DLG2: variants seen among roughly 807,000 people sequenced by gnomAD.
DLG2 encodes discs large MAGUK scaffold protein 2, also known as disks large homolog 2.
In DLG2, 45 loss-of-function variants were observed where a neutral mutation model predicts 132.5. The observed-to-expected ratio is 0.34, with a 90% CI of 0.27 to 0.44. The LOEUF (loss-of-function observed/expected upper bound fraction) is 0.44, where lower values mean the gene tolerates loss of function less well. Among genes scored for constraint, DLG2 ranks in the 20% least tolerant of loss-of-function variants. The pLI, the probability that DLG2 is intolerant of heterozygous loss-of-function variation, is 1.00. For synonymous variants in DLG2, 424 were observed against 419.6 expected (o/e 1.01, Z -0.13); for missense variants, 1,045 against 1,196.9 (o/e 0.87, Z 1.87).
intron 6 of DLG2, among the ~76,000 whole-genome samples, chr11:84,599,364 A>G (rs1054339793): frequency 3.3e-5 from 5 of 152,154 alleles, no homozygotes; most frequent in Non-Finnish European, 7.3e-5. Context: ...TCCCTCTTCT[A>G]CTTCTGCTTT....
At chr11:84,001,147 T>G (rs2094324688) in intron 11 of DLG2, among the ~76,000 whole-genome samples, 1 of 151,990 alleles carries the variant, frequency 6.6e-6, no homozygotes, top group South Asian at 2.1e-4. Context: ...AGATATAGAC[T>G]GGCTGAAAGG....
chr11:84,044,637 T>A (rs1160313123), intron 11 of DLG2, among the ~76,000 whole-genome samples: 2 of 151,758 alleles, frequency 1.3e-5, no homozygotes, highest in Non-Finnish European at 2.9e-5. Context: ...TACACCAAGT[T>A]GCATCTAATT....
chr11:85,059,786 G>T (rs632351), intron 6 of DLG2, among the ~76,000 whole-genome samples: 106,095 of 150,912 alleles, frequency 0.7, 38,436 homozygotes, highest in East Asian at 0.95. Context: ...AGTCCACTAG[G>T]GATATCGATT....
chr11:85,225,053 G>C (rs561203840), intron 4 of DLG2, among the ~76,000 whole-genome samples: 2 of 128,754 alleles, frequency 1.6e-5, no homozygotes, highest in South Asian at 4.4e-4. Context: ...TGAAATATAA[G>C]TCTTTGTTTT....
Position 83,532,389 on chromosome 11 carries a change from A to G in DLG2, c.2193+319T>C, listed in dbSNP as rs1478306685. On this transcript the variant is annotated intron_variant, in intron 21 of 27. Coordinates refer to ENST00000376104, the MANE Select transcript of DLG2 (RefSeq NM_001142699.3). ...TTTATAAAATCCATCATTTTAGAAC[A>G]TTAATTTAAAAGGAAAAAACTTAAA... Among the ~76,000 whole-genome samples, 4 of 152,262 alleles carry G rather than the reference A, an allele frequency of 2.6e-5. No individual in the cohort carries two copies. The East Asian group carries it at 5.8e-4, about 22-fold the overall frequency.
intron 4 of DLG2, among the ~76,000 whole-genome samples, chr11:85,167,250 T>C (rs1169861112): frequency 6.6e-6 from 1 of 152,176 alleles, no homozygotes; most frequent in Non-Finnish European, 1.5e-5. Flanking sequence ...CAGATCCCAG[T>C]TGTACTCTGG....
intron 14 of DLG2, among the ~76,000 whole-genome samples, chr11:83,944,645 T>A: frequency 6.6e-6 from 1 of 152,214 alleles, no homozygotes; most frequent in East Asian, 1.9e-4. Context: ...CTGTCTATTA[T>A]ATCTAACCAA....
chr11:85,396,589 T>A (rs2087396674), intron 3 of DLG2, among the ~76,000 whole-genome samples: 1 of 152,140 alleles, frequency 6.6e-6, no homozygotes, highest in Non-Finnish European at 1.5e-5. Flanking sequence ...TTAAATGACC[T>A]GATGGAGGTG....
At chr11:85,492,707 G>C (rs530049882) in intron 3 of DLG2, among the ~76,000 whole-genome samples, 1 of 145,630 alleles carries the variant, frequency 6.9e-6, no homozygotes, top group East Asian at 1.9e-4. Flanking sequence ...ATTTGGGATG[G>C]TCTGACTTAA....
chr11:84,537,805 T>C (rs1021111690), intron 6 of DLG2, among the ~76,000 whole-genome samples: 1 of 152,238 alleles, frequency 6.6e-6, no homozygotes, highest in African/African-American at 2.4e-5. Flanking sequence ...GTTTGTTGAA[T>C]ATAGCCATGA....
At chr11:85,009,247 G>A (rs1264136753) in intron 6 of DLG2, among the ~76,000 whole-genome samples, 1 of 151,974 alleles carries the variant, frequency 6.6e-6, no homozygotes, top group Admixed American at 6.6e-5. Flanking sequence ...AAGGAATAAA[G>A]CCTCTATTTG....
intron 19 of DLG2, among the ~76,000 whole-genome samples, chr11:83,544,225 C>T (rs559271823): frequency 3.9e-5 from 6 of 152,266 alleles, no homozygotes; most frequent in African/African-American, 1.4e-4. Flanking sequence ...CCTTATCTGA[C>T]AGTTTCATAT....
chr11:84,102,038 C>T (rs1014425999), intron 9 of DLG2, among the ~76,000 whole-genome samples: 1 of 152,122 alleles, frequency 6.6e-6, no homozygotes, highest in Non-Finnish European at 1.5e-5. Context: ...TTTATTTATG[C>T]TGTTTTCTCT....
intron 2 of DLG2, among the ~76,000 whole-genome samples, chr11:85,619,250 T>C (rs2081539583): frequency 6.6e-6 from 1 of 152,124 alleles, no homozygotes; most frequent in South Asian, 2.1e-4. Context: ...CAATCACAGC[T>C]CACTGCAGTC....
intron 7 of DLG2, among the ~76,000 whole-genome samples, chr11:84,423,534 ATCATAT>A (rs1475860360): frequency 6.6e-6 from 1 of 152,136 alleles, no homozygotes; most frequent in Non-Finnish European, 1.5e-5. Flanking sequence ...CCCTAAACAC[ATCATAT>A]TCATCACACT....
At position 83,870,184 on chromosome 11, in the gene DLG2, C is replaced by T. The variant is rs555305539; in HGVS notation, c.1565+4236G>A. Among the ~76,000 whole-genome samples, 6 of 152,266 alleles carry T rather than the reference C, an allele frequency of 3.9e-5. No homozygotes were observed. In the East Asian group the frequency reaches 1.2e-3, roughly 29 times the overall value. On this transcript the variant is annotated intron_variant, in intron 16 of 27. Coordinates refer to ENST00000376104, the MANE Select transcript of DLG2 (RefSeq NM_001142699.3). ...GTACAAGTGCAATTTTGTCACATGG[C>T]CATATTCCACAGTGGTGAAGCCTGT...
chr11:84,779,025 G>A (rs1489485211), intron 6 of DLG2, among the ~76,000 whole-genome samples: 1 of 152,160 alleles, frequency 6.6e-6, no homozygotes, highest in Non-Finnish European at 1.5e-5. Flanking sequence ...AGCCACTGAT[G>A]AAAGCCTGCA....
chr11:83,936,470 G>T (rs2081460023), intron 14 of DLG2, among the ~76,000 whole-genome samples: 1 of 152,048 alleles, frequency 6.6e-6, no homozygotes, highest in African/African-American at 2.4e-5. Flanking sequence ...CAGATTGTTG[G>T]GTCATAAGTA....
rs749188545 is a variant in DLG2, at chr11:84,099,054, A to G, written c.625-7T>C. The G allele has an allele frequency of 6.2e-7, 1 of 1,612,244 alleles. No homozygotes were observed. The highest frequency in any genetic ancestry group is 1.1e-5 in the South Asian group (1 of 91,024). ...ATCCCAGGCCAGAATTCCCCTATAG[A>G]AACAAAAAGCAGATATTAAATGATG... On this transcript the variant is annotated splice_region_variant and splice_polypyrimidine_tract_variant and intron_variant, in intron 9 of 27. Coordinates refer to ENST00000376104, the MANE Select transcript of DLG2 (RefSeq NM_001142699.3).
Sources: allele counts gnomAD v4.1 joint callset (sites outside exome capture counted in the v4.1 genomes callset), GRCh38; gene constraint gnomAD v4.1.1; transcripts MANE v1.5; gene names NCBI Gene and HGNC (gene_info 2026-07-23, HGNC 2026-07-21).